The following AIG1 variants were observed in gnomAD, a reference collection of about 807,000 sequenced individuals.
AIG1 encodes the protein androgen-induced gene 1 protein.
AIG1 carries 23 observed loss-of-function variants against 31.4 expected under a neutral mutation model. The observed-to-expected ratio is 0.73, with a 90% confidence interval of 0.53 to 1.04. The LOEUF (loss-of-function observed/expected upper bound fraction) is 1.04. Among genes scored for constraint, AIG1 ranks in the 50% least tolerant of loss-of-function variants. The pLI is 0.00. For synonymous variants in AIG1, 100 were observed against 110.5 expected (o/e 0.90, Z 0.60); for missense variants, 274 against 295.0 (o/e 0.93, Z 0.52).
intron 3 of AIG1, among the ~76,000 whole-genome samples, chr6:143,166,146 G>A (rs1786921471): frequency 2.0e-5 from 3 of 152,138 alleles, no homozygotes. Context: ...TCACTGTACT[G>A]AAGGGTTTTG....
intron 3 of AIG1, among the ~76,000 whole-genome samples, chr6:143,265,641 T>A (rs1219228877): frequency 6.6e-6 from 1 of 152,204 alleles, no homozygotes. Context: ...TTTTTCCTCT[T>A]TAACATGGAT....
intron 3 of AIG1, among the ~76,000 whole-genome samples, chr6:143,196,216 T>C (rs1318424252): frequency 6.6e-6 from 1 of 152,172 alleles, no homozygotes; most frequent in African/African-American, 2.4e-5. Context: ...GGAGAAATCA[T>C]AGGAGAACTT....
At chr6:143,129,726 C>G (rs1030265088) in intron 1 of AIG1, among the ~76,000 whole-genome samples, 1 of 152,020 alleles carries the variant, frequency 6.6e-6, no homozygotes, top group South Asian at 2.1e-4. Flanking sequence ...TTTATAAAAG[C>G]AACTGTTTCA....
chr6:143,342,462 G>C (rs1251399802), downstream of AIG1: 3 of 776,630 alleles, frequency 3.9e-6, no homozygotes, highest in Non-Finnish European at 7.1e-6. Context: ...AAGTGGTGAA[G>C]CATACAAGAG....
intron 5 of AIG1, 151 bp from the exon 6 acceptor site, chr6:143,339,488 G>A: frequency 1.5e-6 from 1 of 669,740 alleles, no homozygotes; most frequent in South Asian, 2.0e-5. Flanking sequence ...TTCCTTCTTA[G>A]CTAGGAGGGA....
At chr6:143,082,713 G>A (rs1001174348) in intron 1 of AIG1, among the ~76,000 whole-genome samples, 3 of 152,124 alleles carry the variant, frequency 2.0e-5, no homozygotes, top group Non-Finnish European at 4.4e-5. Context: ...TATGCCACGG[G>A]TTGCAAGCTG....
intron 3 of AIG1, among the ~76,000 whole-genome samples, chr6:143,229,785 A>AAC (rs1491576401): frequency 0.097 from 6,134 of 63,256 alleles, 243 homozygotes; most frequent in African/African-American, 0.34. Context: ...CTCTCAGAAC[A>AAC]AAAAAAAAAA....
intron 1 of AIG1, among the ~76,000 whole-genome samples, chr6:143,104,824 A>G (rs1780647630): frequency 6.6e-6 from 1 of 151,848 alleles, no homozygotes; most frequent in African/African-American, 2.4e-5. Context: ...GGATTGCTTG[A>G]GCCTAGGAGT....
chr6:143,227,556 GC>G (rs1793087740), intron 3 of AIG1, among the ~76,000 whole-genome samples: 1 of 152,120 alleles, frequency 6.6e-6, no homozygotes, highest in Non-Finnish European at 1.5e-5. Flanking sequence ...GGCTTTTAGG[GC>G]CTAAAATATT....
At chr6:143,199,365 G>A (rs1006822972) in intron 3 of AIG1, among the ~76,000 whole-genome samples, 2 of 151,944 alleles carry the variant, frequency 1.3e-5, no homozygotes, top group South Asian at 2.1e-4. Context: ...AGCAAAAGAT[G>A]GGGGGGTGAT....
intron 3 of AIG1, among the ~76,000 whole-genome samples, chr6:143,217,250 G>A (rs1792102497): frequency 6.6e-6 from 1 of 151,926 alleles, no homozygotes; most frequent in Non-Finnish European, 1.5e-5. Context: ...TTTTTTTGTT[G>A]TTGTGTTAAT....
At chr6:143,240,822 T>C (rs895876201) in intron 3 of AIG1, among the ~76,000 whole-genome samples, 15 of 152,228 alleles carry the variant, frequency 9.9e-5, no homozygotes, top group South Asian at 2.1e-4. Context: ...AAGTGCTTAC[T>C]CTCAATTCCC....
intron 3 of AIG1, among the ~76,000 whole-genome samples, chr6:143,194,271 A>T (rs2128600284): frequency 6.6e-6 from 1 of 152,320 alleles, no homozygotes; most frequent in East Asian, 1.9e-4. Flanking sequence ...AAGCATGTGA[A>T]GGAAGAACTG....
At chr6:143,231,779 A>G (rs1198937718) in intron 3 of AIG1, among the ~76,000 whole-genome samples, 1 of 152,238 alleles carries the variant, frequency 6.6e-6, no homozygotes, top group African/African-American at 2.4e-5. Flanking sequence ...CTTACAGCAC[A>G]TGTCAGTTTA....
At chr6:143,302,734 A>G (rs1162472389) in intron 4 of AIG1, among the ~76,000 whole-genome samples, 1 of 152,206 alleles carries the variant, frequency 6.6e-6, no homozygotes, top group Non-Finnish European at 1.5e-5. Flanking sequence ...CTTTGGGTAT[A>G]TATCCAGTAA....
rs1428346781 is a variant in AIG1 at position 143,280,069 on chromosome 6, T to C, written c.400-4041T>C. Among the ~76,000 whole-genome samples the C allele has an allele frequency of 2.6e-5, 4 of 152,218 alleles. No individual in the cohort carries two copies. The highest frequency in any genetic ancestry group is 2.6e-4 in the Admixed American group (4 of 15,282). ...TTGGTGACTAGACTTTGTAACCATC[T>C]CATTTATCCAAGGTGGATCTACATC... On this transcript the variant is annotated intron_variant, in intron 3 of 5. Coordinates refer to ENST00000357847, the MANE Select transcript of AIG1 (RefSeq NM_016108.4). This position sits in a 1 kb window ranked among gnomAD's most constrained non-coding sequence, Gnocchi z 4.1.
At chr6:143,108,342 T>C (rs1490316940) in intron 1 of AIG1, among the ~76,000 whole-genome samples, 1 of 152,192 alleles carries the variant, frequency 6.6e-6, no homozygotes, top group Non-Finnish European at 1.5e-5. Flanking sequence ...TAAGACAATA[T>C]CTTGAGAAAC....
At chr6:143,108,757 T>C (rs750059246) in intron 1 of AIG1, among the ~76,000 whole-genome samples, 1 of 152,180 alleles carries the variant, frequency 6.6e-6, no homozygotes, top group Non-Finnish European at 1.5e-5. Context: ...TTATCCTGTT[T>C]ATTTGTTTAT....
intron 1 of AIG1, among the ~76,000 whole-genome samples, chr6:143,097,189 C>T (rs1392727825): frequency 1.3e-5 from 2 of 151,344 alleles, no homozygotes; most frequent in African/African-American, 4.9e-5. Flanking sequence ...GAATGCCTAT[C>T]AGATAGAATC....
Sources: gnomAD v4.1 joint callset for allele counts (sites outside exome capture counted in the v4.1 genomes callset) on GRCh38, gnomAD v4.1.1 for gene constraint, Gnocchi (gnomAD v3.1) non-coding constraint, MANE v1.5 for transcripts, NCBI Gene and HGNC (gene_info 2026-07-23, HGNC 2026-07-21) for gene names.